The following GPC5 variants were observed in gnomAD, a reference collection of about 807,000 sequenced individuals.
GPC5 encodes glypican-5.
In GPC5, 47 loss-of-function variants were observed where a neutral mutation model predicts 53.9. The ratio of observed to expected loss-of-function variants is 0.87; its 90% CI spans 0.69 to 1.11. The LOEUF (loss-of-function observed/expected upper bound fraction) is 1.11, where lower values mean the gene tolerates loss of function less well. GPC5 is among the 50% of genes most tolerant of loss of function. The pLI is 0.00. For synonymous variants in GPC5, 286 were observed against 263.3 expected, an observed-to-expected ratio of 1.09 and a Z score of -0.84; for missense variants, 748 against 713.1, an observed-to-expected ratio of 1.05 and a Z score of -0.56.
intron 7 of GPC5, among the ~76,000 whole-genome samples, chr13:92,174,734 G>T (rs1364699699): frequency 1.3e-5 from 2 of 151,784 alleles, no homozygotes; most frequent in Non-Finnish European, 2.9e-5. Flanking sequence ...TATTCCTCAA[G>T]GTTAAAATAG....
chr13:91,665,669 A>T (rs1377233030), intron 2 of GPC5, among the ~76,000 whole-genome samples: 1 of 151,814 alleles, frequency 6.6e-6, no homozygotes, highest in Non-Finnish European at 1.5e-5. Context: ...CACCCCGCTA[A>T]TTTTTTGTAT....
At chr13:91,772,923 AT>A (rs979453711) in intron 5 of GPC5, among the ~76,000 whole-genome samples, 8 of 152,112 alleles carry the variant, frequency 5.3e-5, no homozygotes, top group Middle Eastern at 3.4e-3. Flanking sequence ...TTTTTGGGTA[AT>A]TTTTTTTCTA....
At chr13:92,677,214 C>T (rs1282442065) in intron 7 of GPC5, among the ~76,000 whole-genome samples, 1 of 152,084 alleles carries the variant, frequency 6.6e-6, no homozygotes, top group Non-Finnish European at 1.5e-5. Context: ...ATCAACTTAG[C>T]TTTTTCTAAT....
At chr13:92,207,038 A>AT (rs1225826610) in intron 7 of GPC5, among the ~76,000 whole-genome samples, 3 of 152,082 alleles carry the variant, frequency 2.0e-5, no homozygotes, top group Admixed American at 1.3e-4. Flanking sequence ...CTTCTTATTC[A>AT]TTTTTTAACC....
chr13:92,702,360 A>G (rs1263419559), intron 7 of GPC5, among the ~76,000 whole-genome samples: 2 of 152,114 alleles, frequency 1.3e-5, no homozygotes, highest in African/African-American at 4.8e-5. Context: ...CAGAATGTCT[A>G]AACAGCATCT....
At chr13:91,416,378 T>C (rs1270189936) in intron 1 of GPC5, among the ~76,000 whole-genome samples, 1 of 152,202 alleles carries the variant, frequency 6.6e-6, no homozygotes, top group Non-Finnish European at 1.5e-5. Flanking sequence ...ATCCTAAACA[T>C]GTTTCTTGAA....
intron 7 of GPC5, among the ~76,000 whole-genome samples, chr13:92,799,166 A>C (rs1268180267): frequency 6.6e-6 from 1 of 151,758 alleles, no homozygotes; most frequent in African/African-American, 2.4e-5. Flanking sequence ...TATTTTTGAC[A>C]AATACGTAAG....
At chr13:92,728,541 C>T (rs188892297) in intron 7 of GPC5, among the ~76,000 whole-genome samples, 2 of 151,262 alleles carry the variant, frequency 1.3e-5, no homozygotes, top group African/African-American at 4.8e-5. Context: ...ACAGAGAAAG[C>T]CTCAACATTT....
chr13:92,140,884 A>G (rs552845470), intron 6 of GPC5, among the ~76,000 whole-genome samples: 1 of 152,300 alleles, frequency 6.6e-6, no homozygotes, highest in South Asian at 2.1e-4. Flanking sequence ...CTACAGAGAA[A>G]AACAAGGGCT....
intron 6 of GPC5, among the ~76,000 whole-genome samples, chr13:92,132,199 A>C (rs1050161087): frequency 6.8e-4 from 104 of 152,304 alleles, no homozygotes; most frequent in Middle Eastern, 3.4e-3. Context: ...TATTTGGTGG[A>C]AGAAAATTAA....
intron 1 of GPC5, among the ~76,000 whole-genome samples, chr13:91,417,677 C>T (rs1252878401): frequency 6.6e-6 from 1 of 152,156 alleles, no homozygotes; most frequent in East Asian, 1.9e-4. Flanking sequence ...ATCCAGTTAG[C>T]TGTCCTTGGG....
intron 2 of GPC5, among the ~76,000 whole-genome samples, chr13:91,649,722 C>A (rs1594379280): frequency 6.6e-6 from 1 of 152,148 alleles, no homozygotes; most frequent in Non-Finnish European, 1.5e-5. Flanking sequence ...ATCTCTGTAG[C>A]ATGACTGGAT....
At chr13:92,710,552 T>G (rs946358291) in intron 7 of GPC5, among the ~76,000 whole-genome samples, 1 of 152,214 alleles carries the variant, frequency 6.6e-6, no homozygotes, top group Non-Finnish European at 1.5e-5. Flanking sequence ...ATTTGCATTT[T>G]AAATTACAAA....
intron 2 of GPC5, among the ~76,000 whole-genome samples, chr13:91,596,833 A>C (rs1244368966): frequency 6.6e-6 from 1 of 152,048 alleles, no homozygotes; most frequent in African/African-American, 2.4e-5. Context: ...TATTCTCTCT[A>C]ATTCTTTTGG....
At position 92,217,877 on chromosome 13, in the gene GPC5, C is replaced by A. The variant is rs2042422115; in HGVS notation, c.1561+72888C>A. On this transcript the variant is annotated intron_variant, in intron 7 of 7. Coordinates refer to ENST00000377067, the MANE Select transcript of GPC5 (RefSeq NM_004466.6). Reference sequence around the variant, plus strand: ...GAACACATACAATAAATATTTTATACCCCAGCAATTCCATGGCACTGGTAT... The same window carrying A: ...GAACACATACAATAAATATTTTATAACCCAGCAATTCCATGGCACTGGTAT... 2.6e-5 allele frequency among the ~76,000 whole-genome samples: 4 copies of A among 151,208 alleles called. No homozygotes were observed. The Admixed American group carries it at 2.6e-4, about 10-fold the overall frequency.
chr13:92,370,336 C>G (rs7328919), intron 7 of GPC5, among the ~76,000 whole-genome samples: 3,877 of 152,216 alleles, frequency 0.025, 103 homozygotes, highest in African/African-American at 0.058. Flanking sequence ...GTGGTCAATA[C>G]ATGTGTAGTT....
At chr13:92,625,695 C>G (rs777472472) in intron 7 of GPC5, among the ~76,000 whole-genome samples, 4 of 152,202 alleles carry the variant, frequency 2.6e-5, no homozygotes, top group Non-Finnish European at 5.9e-5. Flanking sequence ...AAGAAAAACT[C>G]TACTTCCTTC....
chr13:92,621,044 C>G (rs1034534474), intron 7 of GPC5, among the ~76,000 whole-genome samples: 1 of 152,152 alleles, frequency 6.6e-6, no homozygotes, highest in African/African-American at 2.4e-5. Flanking sequence ...GTCTGGGAAA[C>G]CTACAGTGGG....
intron 6 of GPC5, among the ~76,000 whole-genome samples, chr13:92,017,180 C>G (rs925501228): frequency 6.6e-6 from 1 of 152,180 alleles, no homozygotes; most frequent in African/African-American, 2.4e-5. Flanking sequence ...TCCTCGGACA[C>G]CAAGAGTGCT....
Sources: allele counts gnomAD v4.1 joint callset (sites outside exome capture counted in the v4.1 genomes callset), GRCh38; gene constraint gnomAD v4.1.1; transcripts MANE v1.5; gene names NCBI Gene and HGNC (gene_info 2026-07-23, HGNC 2026-07-21).